NRG1: variants seen among roughly 807,000 people sequenced by gnomAD.
NRG1 encodes the protein pro-neuregulin-1, membrane-bound isoform.
In NRG1, 18 loss-of-function variants were observed where a neutral mutation model predicts 63.8. The ratio of observed to expected loss-of-function variants is 0.28; its 90% CI spans 0.19 to 0.42. NRG1 has a LOEUF of 0.42. NRG1 is among the 10% of genes least tolerant of loss of function. NRG1 has a pLI of 1.00. For synonymous variants in NRG1, 302 were observed against 301.3 expected (o/e 1.00, Z -0.02); for missense variants, 762 against 814.7 (o/e 0.94, Z 0.79).
intron 1 of NRG1, among the ~76,000 whole-genome samples, chr8:32,563,429 T>C (rs994324623): frequency 6.6e-6 from 1 of 152,364 alleles, no homozygotes; most frequent in South Asian, 2.1e-4. Flanking sequence ...TTTAGGTATG[T>C]GAATTGTTTA....
intron 1 of NRG1, among the ~76,000 whole-genome samples, chr8:32,569,614 TTTCTC>T (rs1001284567): frequency 5.9e-5 from 9 of 152,172 alleles, no homozygotes; most frequent in Non-Finnish European, 5.9e-5. Flanking sequence ...TGTACTTTCT[TTTCTC>T]ATTTATTCTT....
chr8:32,729,359 C>T lies in NRG1; in HGVS notation c.632+1281C>T, dbSNP rs16879888. ...TTTTCCTCTTTACCAACAGCTATAT[C>T]CCAAAAGCAAGGTATTTTAAAAGTC... is the stretch of plus-strand genomic sequence containing the variant. On this transcript the variant is annotated intron_variant, in intron 6 of 11. Coordinates refer to ENST00000356819, the Ensembl canonical transcript of NRG1. Among the ~76,000 whole-genome samples, 1,220 of 152,130 alleles carry T rather than the reference C, an allele frequency of 8.0e-3. 12 individuals carry two copies. Among genetic ancestry groups the T allele is most frequent in the African/African-American group, 0.028 (1,168 of 41,494 alleles).
chr8:32,035,734 T>C (rs1818942301), intron 1 of NRG1, among the ~76,000 whole-genome samples: 1 of 152,186 alleles, frequency 6.6e-6, no homozygotes, highest in South Asian at 2.1e-4. Flanking sequence ...TTAAAGTCTG[T>C]TTTGTCAGAA....
chr8:32,098,176 GTGTT>G (rs1830131093), intron 1 of NRG1, among the ~76,000 whole-genome samples: 1 of 152,104 alleles, frequency 6.6e-6, no homozygotes, highest in African/African-American at 2.4e-5. Context: ...GCTAGAGAAA[GTGTT>G]TAATTAAAGA....
chr8:32,120,589 G>A (rs563731166), intron 1 of NRG1, among the ~76,000 whole-genome samples: 10 of 152,170 alleles, frequency 6.6e-5, no homozygotes, highest in Middle Eastern at 3.4e-3. Flanking sequence ...AAACTGAACA[G>A]TAGTAGCTAG....
chr8:31,881,089 C>T (rs954986266), intron 1 of NRG1, among the ~76,000 whole-genome samples: 1 of 152,046 alleles, frequency 6.6e-6, no homozygotes, highest in African/African-American at 2.4e-5. Flanking sequence ...AGTTTCCGTT[C>T]CAGGATCTTG....
At chr8:32,241,766 T>C (rs1386693604) in intron 1 of NRG1, among the ~76,000 whole-genome samples, 3 of 152,068 alleles carry the variant, frequency 2.0e-5, no homozygotes, top group African/African-American at 7.2e-5. Flanking sequence ...ATTTTTTTTT[T>C]TTTTGAGACG....
intron 1 of NRG1, among the ~76,000 whole-genome samples, chr8:31,866,292 A>G (rs1248585867): frequency 2.0e-5 from 3 of 152,204 alleles, no homozygotes; most frequent in Non-Finnish European, 2.9e-5. Context: ...AGTATTGCCC[A>G]TACATGGAAT....
intron 1 of NRG1, among the ~76,000 whole-genome samples, chr8:32,487,212 C>A (rs1489694886): frequency 1.3e-5 from 2 of 150,296 alleles, no homozygotes; most frequent in African/African-American, 2.4e-5. Context: ...AAGAAAAAAA[C>A]CACAAAAAAC....
intron 1 of NRG1, among the ~76,000 whole-genome samples, chr8:32,091,352 A>G (rs1829128376): frequency 6.6e-6 from 1 of 152,210 alleles, no homozygotes; most frequent in Non-Finnish European, 1.5e-5. Context: ...TAACAAAGCA[A>G]CATTCAATGA....
At chr8:32,063,285 C>G (rs1221758352) in intron 1 of NRG1, 1 of 152,090 alleles carries the variant, frequency 6.6e-6, no homozygotes, top group East Asian at 1.9e-4. Flanking sequence ...CATAAGAAAA[C>G]AGCTGCAACT....
chr8:32,410,339 C>G (rs763288670), intron 1 of NRG1, among the ~76,000 whole-genome samples: 2 of 151,848 alleles, frequency 1.3e-5, no homozygotes, highest in Non-Finnish European at 2.9e-5. Flanking sequence ...TGCCACCATG[C>G]CCAGCTAATT....
intron 5 of NRG1, among the ~76,000 whole-genome samples, chr8:32,718,491 A>G (rs914119184): frequency 6.6e-6 from 1 of 152,172 alleles, no homozygotes; most frequent in Non-Finnish European, 1.5e-5. Context: ...AGGAGAGACC[A>G]TTAGTTTCAT....
At chr8:32,183,096 C>G (rs1374845501) in intron 1 of NRG1, among the ~76,000 whole-genome samples, 1 of 152,162 alleles carries the variant, frequency 6.6e-6, no homozygotes, top group African/African-American at 2.4e-5. Context: ...GGAAAGAACT[C>G]CATTACATTC....
At chr8:32,470,495 C>T (rs573032464) in intron 1 of NRG1, among the ~76,000 whole-genome samples, 22 of 152,122 alleles carry the variant, frequency 1.4e-4, no homozygotes, top group South Asian at 6.2e-4. Context: ...TGAGCCACCG[C>T]GCCCGACCAT....
chr8:32,658,978 A>C (rs1207108441), intron 5 of NRG1, among the ~76,000 whole-genome samples: 1 of 152,126 alleles, frequency 6.6e-6, no homozygotes, highest in African/African-American at 2.4e-5. Context: ...CAAGGATGAG[A>C]GGTGAATGAC....
At chr8:32,755,986 C>G (rs1394469417) in intron 8 of NRG1, among the ~76,000 whole-genome samples, 5 of 152,090 alleles carry the variant, frequency 3.3e-5, no homozygotes, top group African/African-American at 1.2e-4. Flanking sequence ...AATTAATTCT[C>G]TTGCCTTTGC....
intron 5 of NRG1, among the ~76,000 whole-genome samples, chr8:32,665,661 G>A (rs549616789): frequency 6.6e-6 from 1 of 152,318 alleles, no homozygotes; most frequent in Admixed American, 6.5e-5. Flanking sequence ...GCTGCTAAAT[G>A]AAAGGGTGCA....
At chr8:31,909,216 A>G (rs1264207199) in intron 1 of NRG1, among the ~76,000 whole-genome samples, 1 of 152,250 alleles carries the variant, frequency 6.6e-6, no homozygotes, top group African/African-American at 2.4e-5. Flanking sequence ...GAAATAAAAC[A>G]ATAATACTGC....
Sources: allele counts gnomAD v4.1 joint callset (sites outside exome capture counted in the v4.1 genomes callset), GRCh38; gene constraint gnomAD v4.1.1; transcripts MANE v1.5; gene names NCBI Gene and HGNC (gene_info 2026-07-23, HGNC 2026-07-21).